DACH1: variants seen among roughly 807,000 people sequenced by gnomAD.
The protein encoded by DACH1 is dachshund homolog 1.
A neutral mutation model predicts 54.2 loss-of-function variants in DACH1; 12 were observed. That is an observed-to-expected ratio of 0.22 (90% confidence interval 0.14 to 0.36). DACH1 has a LOEUF of 0.36. Ranked by LOEUF, DACH1 falls within the 10% of genes least tolerant of loss-of-function variation. The probability of loss-of-function intolerance (pLI) is 1.00; values close to 1 mark genes in which losing one functional copy is unlikely to be tolerated. For synonymous variants in DACH1, 386 were observed against 366.2 expected (o/e 1.05, Z -0.62); for missense variants, 805 against 929.8 (o/e 0.87, Z 1.75).
At chr13:71,524,659 T>C (rs909082219) in intron 6 of DACH1, among the ~76,000 whole-genome samples, 10 of 152,042 alleles carry the variant, frequency 6.6e-5, no homozygotes, top group African/African-American at 2.2e-4. Context: ...AATGAAGGGA[T>C]TGCTTTTTTT....
chr13:71,674,925 T>A (rs563667847), intron 2 of DACH1: 1 of 628,848 alleles, frequency 1.6e-6, no homozygotes, highest in East Asian at 2.7e-5. Flanking sequence ...ATTTCCTAGA[T>A]ATATAAATAT....
At position 71,794,607 on chromosome 13, in the gene DACH1, T is replaced by G. The variant is rs560535880; in HGVS notation, c.848+71315A>C. On this transcript the variant is annotated intron_variant, in intron 1 of 10. Transcript: ENST00000613252. ...TGCGTGCCACCATGCTCGGCTAATT[T>G]TTGTAGTTTTAGTAGAGATGGGGTT... 2.7e-3 allele frequency among the ~76,000 whole-genome samples: 416 copies of G among 152,248 alleles called. 2 individuals carry two copies. Among genetic ancestry groups the G allele is most frequent in the African/African-American group, 9.4e-3 (390 of 41,548 alleles).
intron 10 of DACH1, among the ~76,000 whole-genome samples, chr13:71,462,671 ACTTCTTTACG>A (rs1468029452): frequency 2.6e-5 from 4 of 151,942 alleles, no homozygotes; most frequent in Non-Finnish European, 5.9e-5. Context: ...TACTGTTCTA[ACTTCTTTACG>A]TGTATTAATT....
intron 1 of DACH1, among the ~76,000 whole-genome samples, chr13:71,781,867 A>G (rs1886398038): frequency 6.6e-6 from 1 of 152,224 alleles, no homozygotes; most frequent in Non-Finnish European, 1.5e-5. Context: ...GTTTTCTGAC[A>G]CACACTACAC....
Position 71,446,188 on chromosome 13 carries a change from G to A in DACH1, c.2084-5496C>T, listed in dbSNP as rs147055287. ...ATACATTTTATATTAAAGGTTACTC[G>A]TTGTACATCATACTTACCCTCTAAC... On this transcript the variant is annotated intron_variant, in intron 10 of 10. Transcript: ENST00000613252. Among the ~76,000 whole-genome samples the A allele has an allele frequency of 7.4e-3, 1,127 of 152,164 alleles. 10 individuals carry two copies. The highest frequency in any genetic ancestry group is 0.031 in the East Asian group (160 of 5,174).
At chr13:71,835,639 G>C (rs1242827400) in intron 1 of DACH1, among the ~76,000 whole-genome samples, 1 of 151,990 alleles carries the variant, frequency 6.6e-6, no homozygotes, top group Non-Finnish European at 1.5e-5. Flanking sequence ...ATTTGCCCAT[G>C]ATAGTCCTAG....
At chr13:71,560,067 A>T in intron 4 of DACH1, 112 bp from the exon 5 acceptor site, 4 of 1,175,380 alleles carry the variant, frequency 3.4e-6, no homozygotes, top group East Asian at 2.9e-5. Flanking sequence ...GAGAATAAAC[A>T]CTTTACTTCA....
intron 6 of DACH1, among the ~76,000 whole-genome samples, chr13:71,551,877 G>T (rs996493685): frequency 2.0e-5 from 3 of 151,958 alleles, no homozygotes; most frequent in African/African-American, 7.3e-5. Context: ...TAGATTACCA[G>T]TATGAAAAGT....
At chr13:71,645,140 C>T (rs1331024) in intron 2 of DACH1, among the ~76,000 whole-genome samples, 10,449 of 152,114 alleles carry the variant, frequency 0.069, 1,157 homozygotes, top group African/African-American at 0.23. Flanking sequence ...TTTGATTTTA[C>T]GCAAGAAACC....
chr13:71,777,934 T>C (rs1413975740), intron 1 of DACH1, among the ~76,000 whole-genome samples: 1 of 151,476 alleles, frequency 6.6e-6, no homozygotes, highest in Non-Finnish European at 1.5e-5. Flanking sequence ...CTGGGTAAAA[T>C]GGTAAAACCT....
intron 10 of DACH1, among the ~76,000 whole-genome samples, chr13:71,456,349 T>G (rs948581400): frequency 2.0e-5 from 3 of 151,982 alleles, no homozygotes; most frequent in Admixed American, 2.0e-4. Flanking sequence ...CATAGGCCAC[T>G]ATTTCCATTA....
At chr13:71,496,302 TATATAC>T (rs1366264374) in intron 6 of DACH1, among the ~76,000 whole-genome samples, 8 of 108,406 alleles carry the variant, frequency 7.4e-5, no homozygotes, top group African/African-American at 2.4e-4. Context: ...TATATATATA[TATATAC>T]ACACACAAAA....
intron 1 of DACH1, among the ~76,000 whole-genome samples, chr13:71,814,095 G>C (rs1225007631): frequency 1.3e-5 from 2 of 152,202 alleles, no homozygotes; most frequent in Non-Finnish European, 2.9e-5. Flanking sequence ...TTGGCAGAAA[G>C]TAAGCTAGAT....
chr13:71,591,277 C>G (rs1015086500), intron 3 of DACH1, among the ~76,000 whole-genome samples: 1 of 152,048 alleles, frequency 6.6e-6, no homozygotes, highest in South Asian at 2.1e-4. Context: ...ATACAACTCA[C>G]TGTAAATACA....
intron 1 of DACH1, among the ~76,000 whole-genome samples, chr13:71,728,910 G>C (rs926654139): frequency 1.3e-5 from 2 of 151,852 alleles, no homozygotes; most frequent in African/African-American, 2.4e-5. Flanking sequence ...GTTTTGTTTG[G>C]TTTTTGAGGT....
intron 2 of DACH1, among the ~76,000 whole-genome samples, chr13:71,664,577 G>A (rs1227475558): frequency 6.6e-6 from 1 of 151,932 alleles, no homozygotes; most frequent in African/African-American, 2.4e-5. Context: ...TACCATATTT[G>A]CTTTAAAATG....
intron 1 of DACH1, among the ~76,000 whole-genome samples, chr13:71,746,449 T>C (rs1884605588): frequency 6.6e-6 from 1 of 152,060 alleles, no homozygotes; most frequent in Admixed American, 6.5e-5. Flanking sequence ...CTGCAATATG[T>C]TTTTTAAATG....
At chr13:71,495,015 T>A (rs778233058) in intron 6 of DACH1, among the ~76,000 whole-genome samples, 46 of 152,070 alleles carry the variant, frequency 3.0e-4, no homozygotes, top group Non-Finnish European at 5.4e-4. Context: ...TCTAACTCAG[T>A]TGTTATTTTC....
At chr13:71,524,195 T>C (rs910951849) in intron 6 of DACH1, among the ~76,000 whole-genome samples, 2 of 152,158 alleles carry the variant, frequency 1.3e-5, no homozygotes, top group African/African-American at 2.4e-5. Flanking sequence ...GTGATTACAC[T>C]TGTAGAATAA....
Sources: gnomAD v4.1 joint callset for allele counts (sites outside exome capture counted in the v4.1 genomes callset) on GRCh38, gnomAD v4.1.1 for gene constraint, MANE v1.5 for transcripts, NCBI Gene and HGNC (gene_info 2026-07-23, HGNC 2026-07-21) for gene names.